CHRM3: variants seen among roughly 807,000 people sequenced by gnomAD.
The protein encoded by CHRM3 is muscarinic acetylcholine receptor M3.
CHRM3 carries 11 observed loss-of-function variants against 41.8 expected under a neutral mutation model. The ratio of observed to expected loss-of-function variants is 0.26; its 90% CI spans 0.17 to 0.44. CHRM3 has a LOEUF of 0.44. CHRM3 is among the 20% of genes least tolerant of loss of function. CHRM3 has a pLI of 1.00. For synonymous variants in CHRM3, 297 were observed against 301.4 expected (o/e 0.99, Z 0.15); for missense variants, 571 against 745.4 (o/e 0.77, Z 2.72).
At position 239,869,603 on chromosome 1, in the gene CHRM3, G is replaced by A. The variant is rs770533330; in HGVS notation, c.-19-37830G>A. Reference sequence around the variant, plus strand: ...AGTCACAGATCACACCCTCTGGAATGAGCACATCCCCAGCCCTCAGCCATG... The same window carrying A: ...AGTCACAGATCACACCCTCTGGAATAAGCACATCCCCAGCCCTCAGCCATG... On this transcript the variant is annotated intron_variant, in intron 6 of 6. Coordinates refer to ENST00000676153, the MANE Select transcript of CHRM3 (RefSeq NM_001375978.1). Among the ~76,000 whole-genome samples the A allele has an allele frequency of 1.3e-3, 200 of 152,188 alleles. 3 individuals are homozygous for A. The highest frequency in any genetic ancestry group is 9.0e-4 in the Non-Finnish European group (61 of 68,006).
intron 3 of CHRM3, among the ~76,000 whole-genome samples, chr1:239,550,801 G>C (rs979575476): frequency 6.6e-6 from 1 of 152,068 alleles, no homozygotes; most frequent in Non-Finnish European, 1.5e-5. Context: ...TAGAAAATTT[G>C]ATTTTTAGAA....
chr1:239,760,711 G>C (rs960792388), intron 5 of CHRM3, among the ~76,000 whole-genome samples: 16 of 152,072 alleles, frequency 1.1e-4, no homozygotes, highest in African/African-American at 3.9e-4. Context: ...GGTTTGCATT[G>C]TCTCTGACCA....
intron 5 of CHRM3, among the ~76,000 whole-genome samples, chr1:239,683,247 T>G (rs1030513837): frequency 2.0e-5 from 3 of 152,136 alleles, no homozygotes; most frequent in Admixed American, 6.6e-5. Flanking sequence ...TCACATCCAA[T>G]GCATTTTTAT....
chr1:239,743,953 C>A (rs1331275480), intron 5 of CHRM3, among the ~76,000 whole-genome samples: 2 of 149,388 alleles, frequency 1.3e-5, no homozygotes, highest in African/African-American at 4.9e-5. Flanking sequence ...CACCACCATG[C>A]CCGGCTAATT....
intron 3 of CHRM3, among the ~76,000 whole-genome samples, chr1:239,580,704 T>TATATATATATATATATATATATATACAC (rs570878631): frequency 9.2e-5 from 12 of 131,078 alleles, no homozygotes; most frequent in African/African-American, 3.4e-4. Flanking sequence ...TATATATATA[T>TATATATATATATATATATATATATACAC]ACACACACAC....
intron 6 of CHRM3, among the ~76,000 whole-genome samples, chr1:239,875,152 G>T (rs60748044): frequency 0.016 from 2,445 of 152,246 alleles, 76 homozygotes; most frequent in African/African-American, 0.056. Flanking sequence ...TTAAAGCTTT[G>T]TGTTGCCTGT....
In CHRM3 at chr1:239,862,214, A is replaced by G. The variant is rs183362664; in HGVS notation, c.-20+34836A>G. ...AAGAGGAAGTTTACTACGTTTCTCA[A>G]TGATTACACAGACTTGTAGAAAACA... On this transcript the variant is annotated intron_variant, in intron 6 of 6. Transcript: ENST00000676153. 3.5e-3 allele frequency among the ~76,000 whole-genome samples: 534 copies of G among 152,314 alleles called. 12 individuals are homozygous for G. The highest frequency in any genetic ancestry group is 5.1e-4 in the Non-Finnish European group (35 of 68,030).
intron 5 of CHRM3, among the ~76,000 whole-genome samples, chr1:239,747,182 CA>C (rs1665441813): frequency 6.6e-6 from 1 of 152,084 alleles, no homozygotes; most frequent in Non-Finnish European, 1.5e-5. Context: ...ATTTTTCCCA[CA>C]TATAAGTAAA....
intron 2 of CHRM3, among the ~76,000 whole-genome samples, chr1:239,543,603 G>C (rs2148402201): frequency 6.6e-6 from 1 of 151,934 alleles, no homozygotes; most frequent in East Asian, 1.9e-4. Context: ...CACCTCCCGG[G>C]TTCACGCCAT....
intron 5 of CHRM3, among the ~76,000 whole-genome samples, chr1:239,817,551 G>A (rs141992993): frequency 6.6e-6 from 1 of 151,824 alleles, no homozygotes; most frequent in East Asian, 1.9e-4. Context: ...CTTCCCACGG[G>A]CTACTGGAGG....
At chr1:239,634,817 C>G (rs1174402295) in intron 4 of CHRM3, among the ~76,000 whole-genome samples, 1 of 152,056 alleles carries the variant, frequency 6.6e-6, no homozygotes. Flanking sequence ...AATCTTTTGG[C>G]TGGAAAATAA....
At chr1:239,671,843 A>T (rs1674402359) in intron 4 of CHRM3, among the ~76,000 whole-genome samples, 1 of 152,114 alleles carries the variant, frequency 6.6e-6, no homozygotes, top group Non-Finnish European at 1.5e-5. Flanking sequence ...TATGGAAGAG[A>T]ATTCTTCAAC....
chr1:239,895,875 C>T (rs12086712), intron 6 of CHRM3, among the ~76,000 whole-genome samples: 10,457 of 152,152 alleles, frequency 0.069, 1,062 homozygotes, highest in African/African-American at 0.23. Context: ...GTACTATGCT[C>T]ATTACATGAG....
At chr1:239,742,112 G>C (rs1378759020) in intron 5 of CHRM3, among the ~76,000 whole-genome samples, 1 of 150,250 alleles carries the variant, frequency 6.7e-6, no homozygotes, top group African/African-American at 2.5e-5. Context: ...TTCCTTCTCT[G>C]TTCCTATAGC....
intron 1 of CHRM3, among the ~76,000 whole-genome samples, chr1:239,487,466 G>A (rs556116393): frequency 1.3e-5 from 2 of 152,148 alleles, no homozygotes; most frequent in East Asian, 3.9e-4. Context: ...AAGCCTCCAT[G>A]TACAATAGCA....
At chr1:239,511,499 GTTAT>G (rs1472120773) in intron 2 of CHRM3, among the ~76,000 whole-genome samples, 2 of 152,086 alleles carry the variant, frequency 1.3e-5, no homozygotes, top group Non-Finnish European at 2.9e-5. Context: ...GATTTCTGTG[GTTAT>G]TTTTCTCCTT....
chr1:239,588,975 C>T (rs1015997754), intron 3 of CHRM3, among the ~76,000 whole-genome samples: 2 of 152,034 alleles, frequency 1.3e-5, no homozygotes, highest in African/African-American at 4.8e-5. Flanking sequence ...GCTCTGTCCC[C>T]CAAGCTGGAG....
chr1:239,868,400 G>A (rs4638116), intron 6 of CHRM3, among the ~76,000 whole-genome samples: 1,788 of 152,266 alleles, frequency 0.012, 119 homozygotes, highest in Admixed American at 0.11. Flanking sequence ...TCCTTTTCCC[G>A]TGGTTCTCAT....
intron 3 of CHRM3, among the ~76,000 whole-genome samples, chr1:239,569,911 G>T (rs1310757832): frequency 6.6e-6 from 1 of 152,126 alleles, no homozygotes; most frequent in Admixed American, 6.5e-5. Flanking sequence ...TCCCACTGTG[G>T]TATTTCATTG....
Sources: allele counts gnomAD v4.1 joint callset (sites outside exome capture counted in the v4.1 genomes callset), GRCh38; gene constraint gnomAD v4.1.1; transcripts MANE v1.5; gene names NCBI Gene and HGNC (gene_info 2026-07-23, HGNC 2026-07-21).